ZFAT: variants seen among roughly 807,000 people sequenced by gnomAD.
ZFAT encodes the protein zinc finger and AT-hook domain containing.
A neutral mutation model predicts 117.7 loss-of-function variants in ZFAT; 64 were observed. The ratio of observed to expected loss-of-function variants is 0.54; its 90% CI spans 0.44 to 0.67. The LOEUF (loss-of-function observed/expected upper bound fraction) is 0.67, where lower values mean the gene tolerates loss of function less well. Among genes scored for constraint, ZFAT ranks in the 30% least tolerant of loss-of-function variants. The probability of loss-of-function intolerance (pLI) is 0.00; values close to 1 mark genes in which losing one functional copy is unlikely to be tolerated. For synonymous variants in ZFAT, 679 were observed against 615.0 expected, an observed-to-expected ratio of 1.10 and a Z score of -1.54; for missense variants, 1,433 against 1,584.5, an observed-to-expected ratio of 0.90 and a Z score of 1.62.
intron 11 of ZFAT, among the ~76,000 whole-genome samples, chr8:134,552,764 A>G (rs1428185477): frequency 6.6e-6 from 1 of 152,230 alleles, no homozygotes; most frequent in Non-Finnish European, 1.5e-5. Context: ...TTCAGAAGCA[A>G]AAGCGTCTAA....
At chr8:134,781,204 C>G in the ZFAT span, among the ~76,000 whole-genome samples, 11 of 152,240 alleles carry the variant, frequency 7.2e-5, no homozygotes, top group East Asian at 2.1e-3. Flanking sequence ...TGGCTCACTG[C>G]AGTCTCAATC....
intron 15 of ZFAT, among the ~76,000 whole-genome samples, chr8:134,486,030 C>T (rs547823832): frequency 3.3e-5 from 5 of 152,316 alleles, no homozygotes; most frequent in Admixed American, 3.3e-4. Flanking sequence ...TTTCATCAGA[C>T]CACGCAGAAC....
At chr8:134,765,585 G>C in the ZFAT span, 1 of 152,142 alleles carries the variant, frequency 6.6e-6, no homozygotes, top group Non-Finnish European at 1.5e-5. Context: ...GTGCAAATTG[G>C]ATTCAGACCC....
chr8:134,509,400 T>A (rs763359880), intron 15 of ZFAT, among the ~76,000 whole-genome samples: 2 of 152,142 alleles, frequency 1.3e-5, no homozygotes, highest in Non-Finnish European at 1.5e-5. Flanking sequence ...TTTTTTTTTT[T>A]AATATACTAT....
At chr8:134,595,143 T>G (rs1826832748) in intron 7 of ZFAT, among the ~76,000 whole-genome samples, 1 of 152,236 alleles carries the variant, frequency 6.6e-6, no homozygotes, top group Non-Finnish European at 1.5e-5. Flanking sequence ...GTCACCCATC[T>G]GACAGCAACA....
the ZFAT span, among the ~76,000 whole-genome samples, chr8:134,730,034 G>T: frequency 6.6e-6 from 1 of 152,168 alleles, no homozygotes; most frequent in Admixed American, 6.5e-5. Context: ...AGTTAGATTA[G>T]GCTGTTGTCT....
intron 11 of ZFAT, among the ~76,000 whole-genome samples, chr8:134,555,776 A>C (rs1371015484): frequency 6.6e-6 from 1 of 151,862 alleles, no homozygotes; most frequent in Non-Finnish European, 1.5e-5. Flanking sequence ...TTAAACAAAA[A>C]CACTGAAGTA....
intron 13 of ZFAT, among the ~76,000 whole-genome samples, chr8:134,516,534 G>GCT (rs1820265795): frequency 6.6e-6 from 1 of 152,056 alleles, no homozygotes; most frequent in Admixed American, 6.6e-5. Flanking sequence ...GTTTTGTTTT[G>GCT]TTTTTAAAGG....
chr8:134,761,830 T>G, the ZFAT span, among the ~76,000 whole-genome samples: 1 of 152,184 alleles, frequency 6.6e-6, no homozygotes, highest in Non-Finnish European at 1.5e-5. Flanking sequence ...TTTTTCTCAT[T>G]TATCAGCCCA....
At chr8:134,609,243 C>A (rs1828141053) in intron 4 of ZFAT, among the ~76,000 whole-genome samples, 1 of 151,894 alleles carries the variant, frequency 6.6e-6, no homozygotes, top group Non-Finnish European at 1.5e-5. Flanking sequence ...CCGTGTCAAA[C>A]TGCATTAAAG....
chr8:134,635,555 G>C (rs186166754), intron 3 of ZFAT, among the ~76,000 whole-genome samples: 2 of 152,122 alleles, frequency 1.3e-5, no homozygotes, highest in East Asian at 3.9e-4. Context: ...ATGCAACGTC[G>C]TTACCTAGCT....
chr8:134,715,354 C>T (rs1814198198), upstream of ZFAT, among the ~76,000 whole-genome samples: 1 of 152,190 alleles, frequency 6.6e-6, no homozygotes, highest in South Asian at 2.1e-4. Context: ...GCATTTTCTT[C>T]CTCCTACCCA....
chr8:134,490,108 G>A (rs1817943605), intron 15 of ZFAT, among the ~76,000 whole-genome samples: 1 of 152,190 alleles, frequency 6.6e-6, no homozygotes, highest in African/African-American at 2.4e-5. Flanking sequence ...GACCACAAGA[G>A]CCCTTAAGCG....
intron 7 of ZFAT, among the ~76,000 whole-genome samples, chr8:134,597,030 C>G (rs1464013632): frequency 6.6e-6 from 1 of 151,672 alleles, no homozygotes; most frequent in African/African-American, 2.4e-5. Context: ...CTTTAATGAG[C>G]AAATTGTATG....
chr8:134,550,772 G>A (rs1049126299), intron 11 of ZFAT, among the ~76,000 whole-genome samples: 1 of 152,118 alleles, frequency 6.6e-6, no homozygotes, highest in Non-Finnish European at 1.5e-5. Context: ...CAGAGACTTT[G>A]CATTTCAAAC....
chr8:134,539,832 T>C (rs565285956), intron 11 of ZFAT, among the ~76,000 whole-genome samples: 17 of 151,860 alleles, frequency 1.1e-4, no homozygotes, highest in African/African-American at 3.6e-4. Context: ...AAGAGCGGAG[T>C]GTGGGAGCAT....
rs1586976511 is a variant in ZFAT at position 134,707,242 on chromosome 8, C to T, written c.19+5603G>A. On this transcript the variant is annotated intron_variant, in intron 1 of 15. Transcript: ENST00000377838. ...GGGTAGATGCACCCCCTCTGAAACC[C>T]TCAATACTCAAGGCTTACTTCCATC... 2.0e-5 allele frequency among the ~76,000 whole-genome samples: 3 copies of T among 152,170 alleles called. No individual in the cohort carries two copies. The East Asian group carries it at 5.8e-4, about 29-fold the overall frequency.
chr8:134,629,176 G>A (rs1829717446), intron 3 of ZFAT, among the ~76,000 whole-genome samples: 1 of 152,188 alleles, frequency 6.6e-6, no homozygotes, highest in Non-Finnish European at 1.5e-5. Context: ...TGAATGGTGG[G>A]GGCCAGTCAG....
At chr8:134,564,740 A>G (rs993346624) in intron 11 of ZFAT, among the ~76,000 whole-genome samples, 1 of 152,208 alleles carries the variant, frequency 6.6e-6, no homozygotes, top group African/African-American at 2.4e-5. Flanking sequence ...AGAACTTTTT[A>G]CTGAACACAT....
Sources: allele counts gnomAD v4.1 joint callset (sites outside exome capture counted in the v4.1 genomes callset), GRCh38; gene constraint gnomAD v4.1.1; transcripts MANE v1.5; gene names NCBI Gene and HGNC (gene_info 2026-07-23, HGNC 2026-07-21).